The following HMCN1 variants were observed in gnomAD, a reference collection of about 807,000 sequenced individuals.
The protein encoded by HMCN1 is hemicentin-1.
A neutral mutation model predicts 625.9 loss-of-function variants in HMCN1; 321 were observed. The observed-to-expected ratio is 0.51, with a 90% CI of 0.47 to 0.56. HMCN1 has a LOEUF of 0.56. Ranked by LOEUF, HMCN1 falls within the 20% of genes least tolerant of loss-of-function variation. The pLI, the probability that HMCN1 is intolerant of heterozygous loss-of-function variation, is 0.00. For missense variants in HMCN1, 6,588 were observed against 6,887.3 expected (o/e 0.96, Z 1.54); for synonymous variants, 2,425 against 2,417.6 (o/e 1.00, Z -0.09).
intron 30 of HMCN1, among the ~76,000 whole-genome samples, chr1:186,013,690 TAAAAC>T (rs1654145082): frequency 2.0e-5 from 3 of 151,950 alleles, no homozygotes; most frequent in Admixed American, 2.0e-4. Flanking sequence ...GTGCAAACAA[TAAAAC>T]AAAACAAAAT....
At chr1:185,812,503 T>C (rs1184246099) in intron 1 of HMCN1, among the ~76,000 whole-genome samples, 1 of 152,208 alleles carries the variant, frequency 6.6e-6, no homozygotes, top group Non-Finnish European at 1.5e-5. Context: ...TGGTTATCGA[T>C]TCATTATATA....
At position 185,869,089 on chromosome 1, in the gene HMCN1, A is replaced by C. The variant is rs114157459; in HGVS notation, c.621+3226A>C. Reference sequence around the variant, plus strand: ...AGGATGTTTCACTTACTTTGGGCTAATGAGACCAAAGGAATTTTAGCTAGG... The same window carrying C: ...AGGATGTTTCACTTACTTTGGGCTACTGAGACCAAAGGAATTTTAGCTAGG... On this transcript the variant is annotated intron_variant, in intron 4 of 106. Coordinates refer to ENST00000271588, the MANE Select transcript of HMCN1 (RefSeq NM_031935.3). Among the ~76,000 whole-genome samples the C allele has an allele frequency of 7.5e-3, 1,136 of 152,292 alleles. 8 individuals are homozygous for C. Among genetic ancestry groups the C allele is most frequent in the African/African-American group, 0.026 (1,086 of 41,554 alleles).
rs1200634139 is a variant in HMCN1 at position 185,928,613 on chromosome 1, A to G, written c.1498A>G (p.Ile500Val). Reference sequence around the variant, plus strand: ...GTCTGACGAAGGTTTCTATGAATGCATTGCTGTCAGCAGTGCAGGTACTGG... The same window carrying G: ...GTCTGACGAAGGTTTCTATGAATGCGTTGCTGTCAGCAGTGCAGGTACTGG... Reference protein sequence around the residue: ...TLSDEGFYECIAVSSAGTGRA... With the variant: ...TLSDEGFYECVAVSSAGTGRA... Residue 500 changes from isoleucine to valine, a missense_variant, in exon 10 of 107, where the codon ATT (isoleucine) becomes GTT (valine). Ile to Val is a conservative substitution (Grantham distance 29). This residue lies in a region of HMCN1 where 4,628 missense variants were observed against 4,853.1 expected (regional missense o/e 0.95). Transcript: ENST00000271588. 1.2e-6 allele frequency: 2 copies of G among 1,613,572 alleles called. No individual in the cohort carries two copies. Among genetic ancestry groups the G allele is most frequent in the Non-Finnish European group, 1.7e-6 (2 of 1,179,502 alleles).
chr1:185,978,512 A>T (rs554940894), intron 16 of HMCN1, among the ~76,000 whole-genome samples: 1 of 152,286 alleles, frequency 6.6e-6, no homozygotes, highest in South Asian at 2.1e-4. Flanking sequence ...AGATATTTGG[A>T]AGCACCTTCT....
At chr1:186,113,098 T>C in intron 72 of HMCN1, 145 bp downstream of exon 72, 1 of 863,332 alleles carries the variant, frequency 1.2e-6, no homozygotes, top group Non-Finnish European at 1.8e-6. Context: ...AGTATTTGTA[T>C]TATATCTATA....
At chr1:186,106,489 T>C (rs1246746554) in intron 69 of HMCN1, among the ~76,000 whole-genome samples, 2 of 152,242 alleles carry the variant, frequency 1.3e-5, no homozygotes, top group African/African-American at 4.8e-5. Flanking sequence ...TGTTTACTTA[T>C]TTAACATCTT....
At chr1:186,018,115 T>A in intron 33 of HMCN1, 68 bp from the exon 34 acceptor site, 1 of 1,311,086 alleles carries the variant, frequency 7.6e-7, no homozygotes. Context: ...AATAGAAACT[T>A]TATATATCTT....
At chr1:186,066,049 G>A (rs944912336) in intron 49 of HMCN1, among the ~76,000 whole-genome samples, 2 of 152,062 alleles carry the variant, frequency 1.3e-5, no homozygotes, top group Non-Finnish European at 2.9e-5. Context: ...CATTTAAGGA[G>A]TACAAAGATA....
intron 1 of HMCN1, among the ~76,000 whole-genome samples, chr1:185,742,980 T>G (rs929942730): frequency 6.6e-6 from 1 of 152,212 alleles, no homozygotes; most frequent in Non-Finnish European, 1.5e-5. Flanking sequence ...AATGATGTTT[T>G]TCCCCCCTTG....
chr1:186,140,747 A>G (rs1432580077), intron 89 of HMCN1, among the ~76,000 whole-genome samples: 1 of 152,056 alleles, frequency 6.6e-6, no homozygotes, highest in African/African-American at 2.4e-5. Context: ...ATTATCTTCC[A>G]TATCTATTAT....
intron 45 of HMCN1, among the ~76,000 whole-genome samples, chr1:186,056,727 G>C (rs1007183036): frequency 1.3e-5 from 2 of 151,834 alleles, no homozygotes; most frequent in African/African-American, 2.4e-5. Flanking sequence ...GGCAACAGTA[G>C]ACACTGGGGA....
intron 36 of HMCN1, among the ~76,000 whole-genome samples, chr1:186,033,064 G>GCGCACACA (rs1027390136): frequency 8.6e-5 from 12 of 140,314 alleles, no homozygotes; most frequent in African/African-American, 3.1e-4. Flanking sequence ...ATACACACAC[G>GCGCACACA]CACACACACA....
chr1:186,116,942 A>T (rs1661161706), intron 75 of HMCN1, 52 bp from the exon 76 acceptor site: 1 of 1,605,070 alleles, frequency 6.2e-7, no homozygotes, highest in African/African-American at 1.3e-5. Flanking sequence ...TAGCTGGGAA[A>T]ATTTATGAAA....
At chr1:185,992,511 A>G (rs1393524629) in intron 22 of HMCN1, among the ~76,000 whole-genome samples, 1 of 152,176 alleles carries the variant, frequency 6.6e-6, no homozygotes, top group Non-Finnish European at 1.5e-5. Context: ...TGAATAGTCA[A>G]TACTTTCCTT....
chr1:186,151,454 G>C, intron 94 of HMCN1, 105 bp downstream of exon 94: 2 of 1,314,322 alleles, frequency 1.5e-6, no homozygotes, highest in Non-Finnish European at 2.2e-6. Context: ...CATAAGTATG[G>C]TAAGCTTTTA....
intron 63 of HMCN1, 137 bp downstream of exon 63, chr1:186,088,892 T>C: frequency 1.2e-6 from 1 of 858,610 alleles, no homozygotes; most frequent in Non-Finnish European, 1.8e-6. Flanking sequence ...ATCAGTTTTC[T>C]GTCTTATATT....
At chr1:185,965,087 C>T (rs1397529750) in intron 13 of HMCN1, among the ~76,000 whole-genome samples, 1 of 152,042 alleles carries the variant, frequency 6.6e-6, no homozygotes, top group African/African-American at 2.4e-5. Context: ...TTAAAAATAC[C>T]TCAGCTGAAG....
intron 36 of HMCN1, among the ~76,000 whole-genome samples, chr1:186,035,502 A>G (rs1386511284): frequency 1.3e-5 from 2 of 151,952 alleles, no homozygotes; most frequent in East Asian, 3.9e-4. Flanking sequence ...TTCTGGGTTG[A>G]GTGCTTAGGA....
chr1:185,936,609 A>G (rs1020468297), intron 11 of HMCN1, among the ~76,000 whole-genome samples: 1 of 152,240 alleles, frequency 6.6e-6, no homozygotes, highest in Non-Finnish European at 1.5e-5. Flanking sequence ...TATCCAAATT[A>G]GGAAACTAGC....
Sources: allele counts gnomAD v4.1 joint callset (sites outside exome capture counted in the v4.1 genomes callset), GRCh38; gene constraint gnomAD v4.1.1; regional missense constraint gnomAD v4.1.1; transcripts MANE v1.5; gene names NCBI Gene and HGNC (gene_info 2026-07-23, HGNC 2026-07-21).